FKBP7: variants seen among roughly 807,000 people sequenced by gnomAD.
FKBP7 encodes the protein peptidyl-prolyl cis-trans isomerase FKBP7.
In FKBP7, 24 loss-of-function variants were observed where a neutral mutation model predicts 24.3. The ratio of observed to expected loss-of-function variants is 0.99; its 90% CI spans 0.72 to 1.39. The LOEUF (loss-of-function observed/expected upper bound fraction) is 1.39. FKBP7 is among the 40% of genes most tolerant of loss of function. FKBP7 has a pLI of 0.00. For missense variants in FKBP7, 257 were observed against 269.5 expected (o/e 0.95, Z 0.33); for synonymous variants, 98 against 92.8 (o/e 1.06, Z -0.32).
rs1361744984 is a variant in FKBP7 at position 178,478,318 on chromosome 2, T to C, written c.182A>G (p.Asp61Gly). The change falls in exon 1 of 4, where the codon GAC (aspartate) becomes GGC (glycine). Residue 61 changes from aspartate (D) to glycine (G), a missense_variant. Asp to Gly is a moderately conservative substitution (Grantham distance 94). Coordinates refer to ENST00000424785, the MANE Select transcript of FKBP7 (RefSeq NM_181342.3). ...CGAGCCGTCTTTAGCCAGGTAGCCG[T>C]CATAATGGGCATTTAGTAGGTCTCC... ...KKGDLLNAHY[D>G]GYLAKDGSKF... is the part of the protein sequence containing the mutation. The C allele has an allele frequency of 1.9e-6, 3 of 1,614,146 alleles. No individual in the cohort carries two copies. The highest frequency in any genetic ancestry group is 1.7e-6 in the Non-Finnish European group (2 of 1,180,036).
In FKBP7 at chr2:178,465,711, T is replaced by C; in HGVS notation, c.*59A>G. 7.1e-7 allele frequency: 1 copy of C among 1,414,544 alleles called. No individual in the cohort carries two copies. The highest frequency in any genetic ancestry group is 9.3e-7 in the Non-Finnish European group (1 of 1,074,560). The allele number at this position is 1,414,544 out of a possible 1,614,324, so 87.6% of individuals were successfully genotyped here. A position where few individuals can be genotyped will look rare whatever the true frequency, so the allele number is the denominator to read the frequency against. ...AAATACAACTTGGAGAAAAGTGACT[T>C]TGTTTTATACATAAAGTACAGTAAA... On this transcript the variant is annotated 3_prime_UTR_variant, in exon 4 of 4. Transcript: ENST00000424785.
chr2:178,465,806 G>C lies in FKBP7; in HGVS notation c.633C>G (p.Pro211=). Residue 211 remains proline (P), a synonymous_variant, in exon 4 of 4, where the codon CCC becomes CCG. Transcript: ENST00000424785. ...NDHDGDGFIS[P]KEYNVYQHDE... is the part of the protein sequence containing the mutation. ...CGTGTTGGTATACATTGTATTCCTTGGGAGAAATGAAGCCATCACCATCAT... is the reference window on the plus strand; with the variant it reads ...CGTGTTGGTATACATTGTATTCCTTCGGAGAAATGAAGCCATCACCATCAT... 1 of 1,608,420 alleles carries C rather than the reference G, an allele frequency of 6.2e-7. No homozygotes were observed. The highest frequency in any genetic ancestry group is 8.5e-7 in the Non-Finnish European group (1 of 1,177,720).
At chr2:178,477,833 C>T (rs1056534516) in intron 1 of FKBP7, among the ~76,000 whole-genome samples, 3 of 152,050 alleles carry the variant, frequency 2.0e-5, no homozygotes, top group African/African-American at 7.2e-5. Context: ...CAGAAGTCAC[C>T]AGGGAAGTAA....
rs982640884 is a variant in FKBP7, at chr2:178,464,961, T to G, written c.*809A>C. 3.3e-5 allele frequency: 5 copies of G among 152,128 alleles called. No individual in the cohort carries two copies. The highest frequency in any genetic ancestry group is 1.2e-4 in the African/African-American group (5 of 41,408). The allele number at this position is 152,128 out of a possible 1,614,324, so 9.4% of individuals were successfully genotyped here. ...ATAACTAGAGAAAGGGAACGAAAAC[T>G]AAGAAATTTCATGGCATCAATTTAA... On this transcript the variant is annotated 3_prime_UTR_variant, in exon 4 of 4. Transcript: ENST00000424785.
At chr2:178,471,982 C>T (rs1235503527) in intron 2 of FKBP7, among the ~76,000 whole-genome samples, 1 of 151,970 alleles carries the variant, frequency 6.6e-6, no homozygotes, top group Admixed American at 6.5e-5. Flanking sequence ...AAACCCATTC[C>T]TATTTTTTCC....
intron 1 of FKBP7, 63 bp downstream of exon 1, chr2:178,478,216 C>G: frequency 6.3e-7 from 1 of 1,586,834 alleles, no homozygotes; most frequent in Non-Finnish European, 8.6e-7. Context: ...GAGGCTTCCG[C>G]TTGGTGGAGG....
rs181703154 is a variant in FKBP7 at position 178,471,440 on chromosome 2, T to C, written c.374-1655A>G. ...GTTGGCCAGGCTGGTCTCAAACTCC[T>C]GACCTCAAAGGATCCACCCACCTTG... On this transcript the variant is annotated intron_variant, in intron 2 of 3. Transcript: ENST00000424785. 2.4e-3 allele frequency among the ~76,000 whole-genome samples: 367 copies of C among 152,196 alleles called. 1 individual carries two copies. Among genetic ancestry groups the C allele is most frequent in the East Asian group, 4.6e-3 (24 of 5,184 alleles).
intron 1 of FKBP7, 131 bp downstream of exon 1, chr2:178,478,148 A>G (rs1685065751): frequency 2.2e-6 from 2 of 890,448 alleles, no homozygotes; most frequent in Non-Finnish European, 3.4e-6. Flanking sequence ...ATTTTTTTTA[A>G]TGAATAAAGG....
chr2:178,477,723 G>C (rs1241696516), intron 1 of FKBP7, among the ~76,000 whole-genome samples: 1 of 151,752 alleles, frequency 6.6e-6, no homozygotes, highest in Non-Finnish European at 1.5e-5. Context: ...GTTTTTCCCA[G>C]TCCTATCTTT....
rs1399723292 is a variant in FKBP7, at chr2:178,477,161, C to A, written c.274G>T (p.Val92Phe). The change falls in exon 2 of 4, where the codon GTC becomes TTC. Residue 92 changes from valine to phenylalanine, a missense_variant. Coordinates refer to ENST00000424785, the MANE Select transcript of FKBP7 (RefSeq NM_181342.3). ...PKWFVLGVGQ[V>F]IKGLDIAMTD... is the part of the protein sequence containing the mutation. ...ATAGCAATGTCTAGGCCTTTTATGA[C>A]TTGCCCAACACCAAGAACAAACCAT... 1 of 1,613,154 alleles carries A rather than the reference C, an allele frequency of 6.2e-7. No individual in the cohort carries two copies. Among genetic ancestry groups the A allele is most frequent in the South Asian group, 1.1e-5 (1 of 90,848 alleles).
Position 178,465,613 on chromosome 2 carries a change from C to T in FKBP7, c.*157G>A. ...ATTCCTGCAAGTTAAGTTTGCAAAACAGCCTCACATTTATTATACCAAAAT... is the reference window on the plus strand; with the variant it reads ...ATTCCTGCAAGTTAAGTTTGCAAAATAGCCTCACATTTATTATACCAAAAT... On this transcript the variant is annotated 3_prime_UTR_variant, in exon 4 of 4. Coordinates refer to ENST00000424785, the MANE Select transcript of FKBP7 (RefSeq NM_181342.3). 1.7e-6 allele frequency: 1 copy of T among 577,676 alleles called. No homozygotes were observed. The highest frequency in any genetic ancestry group is 2.7e-6 in the Non-Finnish European group (1 of 374,132). The allele number at this position is 577,676 out of a possible 1,614,324, so 35.8% of individuals were successfully genotyped here. A position where few individuals can be genotyped will look rare whatever the true frequency, so the allele number is the denominator to read the frequency against.
rs1029913467 is a variant in FKBP7, at chr2:178,477,227, C to A, written c.222-14G>T. The A allele has an allele frequency of 1.2e-6, 2 of 1,604,172 alleles. No individual in the cohort carries two copies. The highest frequency in any genetic ancestry group is 1.7e-6 in the Non-Finnish European group (2 of 1,177,756). On this transcript the variant is annotated splice_polypyrimidine_tract_variant and intron_variant, in intron 1 of 3. Transcript: ENST00000424785. ...TTTTGTGTCCGGCTATAACAAAAAG[C>A]AATACTTAAGTAAACTGATTTCAAG...
chr2:178,463,834 G>T lies in FKBP7; in HGVS notation c.*1936C>A, dbSNP rs1319573909. 6.6e-6 allele frequency: 1 copy of T among 152,118 alleles called. No homozygotes were observed. The highest frequency in any genetic ancestry group is 1.5e-5 in the Non-Finnish European group (1 of 68,018). The allele number at this position is 152,118 out of a possible 1,614,324, so 9.4% of individuals were successfully genotyped here. ...AGAATTACAAAGTTTAGATTATAGG[G>T]TGACTTCTTAATATGGATACAAAAA... On this transcript the variant is annotated 3_prime_UTR_variant, in exon 4 of 4. Coordinates refer to ENST00000424785, the MANE Select transcript of FKBP7 (RefSeq NM_181342.3).
In FKBP7 at chr2:178,464,240, A is replaced by C. The variant is rs1684596150; in HGVS notation, c.*1530T>G. 2 of 152,258 alleles carry C rather than the reference A, an allele frequency of 1.3e-5. No homozygotes were observed. Among genetic ancestry groups the C allele is most frequent in the African/African-American group, 2.4e-5 (1 of 41,470 alleles). 9.4% of individuals were successfully genotyped at this position (152,258 alleles called of 1,614,324 possible). A position where few individuals can be genotyped will look rare whatever the true frequency, so the allele number is the denominator to read the frequency against. On this transcript the variant is annotated 3_prime_UTR_variant, in exon 4 of 4. Coordinates refer to ENST00000424785, the MANE Select transcript of FKBP7 (RefSeq NM_181342.3). ...AAAGAGCAAGTTTCAGAAGGTAGAAAAAACTTTACTTGTTTGGAACTCAAT... is the reference window on the plus strand; with the variant it reads ...AAAGAGCAAGTTTCAGAAGGTAGAACAAACTTTACTTGTTTGGAACTCAAT...
intron 1 of FKBP7, 148 bp downstream of exon 1, chr2:178,478,131 T>C: frequency 1.4e-6 from 1 of 735,710 alleles, no homozygotes; most frequent in South Asian, 1.9e-5. Flanking sequence ...CACTGCCATA[T>C]AATGTGATTT....
chr2:178,478,211 T>A, intron 1 of FKBP7, 68 bp downstream of exon 1: 1 of 1,576,528 alleles, frequency 6.3e-7, no homozygotes, highest in Non-Finnish European at 8.7e-7. Flanking sequence ...CCAATGAGGC[T>A]TCCGCTTGGT....
intron 2 of FKBP7, among the ~76,000 whole-genome samples, chr2:178,470,786 TA>T (rs1009575003): frequency 3.9e-3 from 571 of 144,862 alleles, no homozygotes; most frequent in African/African-American, 0.011. Context: ...CTGTCTCTAT[TA>T]AAAAAAAAAA....
intron 2 of FKBP7, 125 bp downstream of exon 2, chr2:178,476,937 G>A (rs1685026301): frequency 4.4e-6 from 3 of 683,600 alleles, no homozygotes; most frequent in African/African-American, 1.8e-5. Context: ...TGGCTGCTAT[G>A]AGCATGGCTG....
chr2:178,476,733 T>C (rs2154127210), intron 2 of FKBP7, among the ~76,000 whole-genome samples: 1 of 144,280 alleles, frequency 6.9e-6, no homozygotes, highest in East Asian at 1.9e-4. Flanking sequence ...TTTTTTTTTT[T>C]TGTAGAGCAG....
Sources: gnomAD v4.1 joint callset for allele counts (sites outside exome capture counted in the v4.1 genomes callset) on GRCh38, gnomAD v4.1.1 for gene constraint, MANE v1.5 for transcripts, NCBI Gene and HGNC (gene_info 2026-07-23, HGNC 2026-07-21) for gene names.